Variants in GPT2 observed in about 807,000 individuals in gnomAD.
GPT2 encodes the protein glutamic--pyruvic transaminase 2.
A neutral mutation model predicts 56.9 loss-of-function variants in GPT2; 30 were observed. The ratio of observed to expected loss-of-function variants is 0.53; its 90% confidence interval spans 0.39 to 0.72. The LOEUF (loss-of-function observed/expected upper bound fraction) is 0.72. Among genes scored for constraint, GPT2 ranks in the 30% least tolerant of loss-of-function variants. GPT2 has a pLI of 0.00. For synonymous variants in GPT2, 271 were observed against 283.1 expected (o/e 0.96, Z 0.43); for missense variants, 542 against 703.4 (o/e 0.77, Z 2.60).
intron 2 of GPT2, 26 bp downstream of exon 2, chr16:46,884,984 GGCTGGGGCC>G: frequency 6.9e-7 from 1 of 1,446,356 alleles, no homozygotes. Context: ...GCCCCGGGGA[GGCTGGGGCC>G]GCTGAGCAAG....
At chr16:46,928,420 C>T (rs1252975436) in intron 11 of GPT2, among the ~76,000 whole-genome samples, 1 of 151,918 alleles carries the variant, frequency 6.6e-6, no homozygotes, top group African/African-American at 2.4e-5. Context: ...GTCAGGAGTT[C>T]GAGACCAGCC....
At chr16:46,899,231 G>T (rs978640005) in intron 3 of GPT2, among the ~76,000 whole-genome samples, 1 of 151,730 alleles carries the variant, frequency 6.6e-6, no homozygotes, top group African/African-American at 2.4e-5. Flanking sequence ...ACAGGGTCTT[G>T]CTGTGTTGCC....
At chr16:46,890,018 A>G (rs1567332364) in intron 2 of GPT2, among the ~76,000 whole-genome samples, 1 of 152,148 alleles carries the variant, frequency 6.6e-6, no homozygotes, top group African/African-American at 2.4e-5. Flanking sequence ...GGGCTTCTAT[A>G]GTTGACCACC....
intron 10 of GPT2, among the ~76,000 whole-genome samples, chr16:46,925,411 C>T (rs1961387049): frequency 6.6e-6 from 1 of 152,004 alleles, no homozygotes; most frequent in East Asian, 1.9e-4. Flanking sequence ...TTAGTAGAGA[C>T]GGGGTTTCAC....
intron 11 of GPT2, 53 bp downstream of exon 11, chr16:46,927,090 G>A (rs1961433105): frequency 3.4e-6 from 4 of 1,159,846 alleles, no homozygotes; most frequent in Non-Finnish European, 4.9e-6. Flanking sequence ...CCAGGGAAAT[G>A]TGGACTTCTT....
intron 5 of GPT2, 43 bp from the exon 6 acceptor site, chr16:46,909,640 TG>T: frequency 6.3e-7 from 1 of 1,594,796 alleles, no homozygotes; most frequent in South Asian, 1.1e-5. Flanking sequence ...AGGTCAGGGA[TG>T]GGAAGTAGTG....
chr16:46,925,929 A>G (rs1961397947), intron 10 of GPT2, among the ~76,000 whole-genome samples: 1 of 151,788 alleles, frequency 6.6e-6, no homozygotes, highest in African/African-American at 2.4e-5. Context: ...CAGGAGTTCA[A>G]GACCAGCTTG....
At chr16:46,920,698 C>T (rs1472933315) in intron 8 of GPT2, among the ~76,000 whole-genome samples, 1 of 152,214 alleles carries the variant, frequency 6.6e-6, no homozygotes, top group Admixed American at 6.5e-5. Flanking sequence ...CCAAACTGTT[C>T]TTGGGCTTCT....
chr16:46,907,631 C>G (rs1960959612), intron 5 of GPT2, among the ~76,000 whole-genome samples: 1 of 152,190 alleles, frequency 6.6e-6, no homozygotes, highest in Non-Finnish European at 1.5e-5. Context: ...GATGAGTGCA[C>G]AGCAAGGGTC....
chr16:46,920,370 G>A (rs1961261457), intron 8 of GPT2, among the ~76,000 whole-genome samples: 1 of 152,266 alleles, frequency 6.6e-6, no homozygotes, highest in Non-Finnish European at 1.5e-5. Context: ...GGTGGTTTAA[G>A]TTTGGGAGAT....
intron 2 of GPT2, among the ~76,000 whole-genome samples, chr16:46,886,107 A>G (rs2143312214): frequency 6.6e-6 from 1 of 152,246 alleles, no homozygotes; most frequent in Admixed American, 6.5e-5. Flanking sequence ...AGTGAGCTGG[A>G]CAAGTCAGAG....
intron 4 of GPT2, among the ~76,000 whole-genome samples, chr16:46,905,663 A>T (rs942139789): frequency 6.6e-6 from 1 of 152,132 alleles, no homozygotes; most frequent in Non-Finnish European, 1.5e-5. Flanking sequence ...ACATCTTTCC[A>T]TTTTATTTTC....
intron 7 of GPT2, among the ~76,000 whole-genome samples, chr16:46,918,114 A>G (rs1442533249): frequency 6.6e-6 from 1 of 152,244 alleles, no homozygotes; most frequent in Non-Finnish European, 1.5e-5. Flanking sequence ...CCAAACGGGT[A>G]TAAATGCTGC....
chr16:46,886,614 A>G (rs936007238), intron 2 of GPT2, among the ~76,000 whole-genome samples: 3 of 152,154 alleles, frequency 2.0e-5, no homozygotes, highest in African/African-American at 7.2e-5. Context: ...AGTTCTGGGC[A>G]TTTGGGGAAG....
Sources: allele counts gnomAD v4.1 joint callset (sites outside exome capture counted in the v4.1 genomes callset), GRCh38; gene constraint gnomAD v4.1.1; transcripts MANE v1.5; gene names NCBI Gene and HGNC (gene_info 2026-07-23, HGNC 2026-07-21).